ITGA7: variants seen among roughly 807,000 people sequenced by gnomAD.
ITGA7 encodes the protein integrin subunit alpha 7, also known as integrin alpha-7.
A neutral mutation model predicts 131.6 loss-of-function variants in ITGA7; 84 were observed. That is an observed-to-expected ratio of 0.64 (90% CI 0.54 to 0.77). The LOEUF (loss-of-function observed/expected upper bound fraction) is 0.77. Among genes scored for constraint, ITGA7 ranks in the 30% least tolerant of loss-of-function variants. The pLI is 0.00. For synonymous variants in ITGA7, 548 were observed against 600.7 expected (o/e 0.91, Z 1.28); for missense variants, 1,399 against 1,482.9 (o/e 0.94, Z 0.93).
rs1241570952 is a variant in ITGA7, at chr12:55,707,795, C to A, written c.-113G>T. On this transcript the variant is annotated 5_prime_UTR_variant, in exon 1 of 25. Transcript: ENST00000257879. ...TCCAAAGTCTCGTTGGTCTTTCAGA[C>A]GTCTCCCAGACGTTCGCCCCGCCAG... 1 of 1,517,552 alleles carries A rather than the reference C, an allele frequency of 6.6e-7. No individual in the cohort carries two copies. Among genetic ancestry groups the A allele is most frequent in the Admixed American group, 2.0e-5 (1 of 49,632 alleles). The allele number at this position is 1,517,552 out of a possible 1,614,324, so 94.0% of individuals were successfully genotyped here.
At chr12:55,686,834 G>C (rs376919045) in intron 24 of ITGA7, among the ~76,000 whole-genome samples, 19 of 152,200 alleles carry the variant, frequency 1.2e-4, no homozygotes, top group African/African-American at 4.6e-4. Context: ...CCTGGAGGCC[G>C]TTCTCCGTGC....
intron 10 of ITGA7, 70 bp from the exon 11 acceptor site, chr12:55,697,347 T>G (rs1278042983): frequency 3.2e-5 from 51 of 1,569,966 alleles, no homozygotes; most frequent in Non-Finnish European, 4.4e-5. Context: ...CCACCCCATC[T>G]GTCACATCCT....
At chr12:55,713,241 A>G (rs535956034), upstream of ITGA7, among the ~76,000 whole-genome samples, 1 of 152,250 alleles carries the variant, frequency 6.6e-6, no homozygotes, top group Admixed American at 6.5e-5. Context: ...CTGCTCTGTG[A>G]TGCTCTCACT....
Position 55,684,826 on chromosome 12 carries a change from C to A in ITGA7, c.*232G>T. 1 of 567,448 alleles carries A rather than the reference C, an allele frequency of 1.8e-6. No individual in the cohort carries two copies. Among genetic ancestry groups the A allele is most frequent in the Non-Finnish European group, 3.1e-6 (1 of 319,206 alleles). 35.2% of individuals were successfully genotyped at this position (567,448 alleles called of 1,614,324 possible). A position where few individuals can be genotyped will look rare whatever the true frequency, so the allele number is the denominator to read the frequency against. On this transcript the variant is annotated 3_prime_UTR_variant, in exon 25 of 25. Transcript: ENST00000257879. ...TGCATCAGGACACCCCTGCCCTTCT[C>A]ACCCTACCCCATGGCCCTGTCCCTG...
upstream of ITGA7, among the ~76,000 whole-genome samples, chr12:55,714,773 T>G (rs187487729): frequency 6.6e-6 from 1 of 150,976 alleles, no homozygotes; most frequent in Non-Finnish European, 1.5e-5. Context: ...TACACATATA[T>G]ACGTATACAT....
chr12:55,700,153 G>A, intron 4 of ITGA7, 164 bp from the exon 5 acceptor site: 3 of 1,422,294 alleles, frequency 2.1e-6, no homozygotes, highest in Non-Finnish European at 2.9e-6. Context: ...GACAGAGAGA[G>A]ACAAGGTGAG....
At chr12:55,706,826 G>A (rs1399912712) in intron 1 of ITGA7, among the ~76,000 whole-genome samples, 1 of 152,090 alleles carries the variant, frequency 6.6e-6, no homozygotes, top group Non-Finnish European at 1.5e-5. Context: ...CAGCTGCTGC[G>A]GCTACTACTA....
In ITGA7 at chr12:55,703,306, C is replaced by A. The variant is rs559558604; in HGVS notation, c.207-128G>T. ...GTGTTCAAGGACTAAAGAGAAGGGG[C>A]AAATGTCAGTTTTCTCAAACCCTGG... On this transcript the variant is annotated intron_variant, in intron 1 of 24. Coordinates refer to ENST00000257879, the MANE Select transcript of ITGA7 (RefSeq NM_002206.3). 5 of 1,047,522 alleles carry A rather than the reference C, an allele frequency of 4.8e-6. No individual in the cohort carries two copies. In the African/African-American group the frequency reaches 4.8e-5, roughly 10 times the overall value. 64.9% of individuals were successfully genotyped at this position (1,047,522 alleles called of 1,614,324 possible). A position where few individuals can be genotyped will look rare whatever the true frequency, so the allele number is the denominator to read the frequency against.
chr12:55,711,972 C>T, upstream of ITGA7: 2 of 1,030,304 alleles, frequency 1.9e-6, no homozygotes, highest in Non-Finnish European at 1.5e-6. Context: ...CCCTCCACCT[C>T]ATCTGGCAAC....
At position 55,703,043 on chromosome 12, in the gene ITGA7, G is replaced by A. The variant is rs370675255; in HGVS notation, c.334+8C>T. 2 of 1,613,882 alleles carry A rather than the reference G, an allele frequency of 1.2e-6. No homozygotes were observed. The highest frequency in any genetic ancestry group is 1.7e-6 in the Non-Finnish European group (2 of 1,180,038). On this transcript the variant is annotated splice_region_variant and intron_variant, in intron 2 of 24. Coordinates refer to ENST00000257879, the MANE Select transcript of ITGA7 (RefSeq NM_002206.3). ...CGCTTCCCCCACTCTGTTCATGCAG[G>A]GCCACACCTCCCTGGTCGATGTCCA...
chr12:55,698,150 G>T (rs934533741), intron 7 of ITGA7, 124 bp from the exon 8 acceptor site: 10 of 976,538 alleles, frequency 1.0e-5, no homozygotes, highest in Non-Finnish European at 1.6e-5. Flanking sequence ...AAAATCCCAG[G>T]CACTCTACAT....
chr12:55,698,940 C>T (rs755262233), intron 5 of ITGA7, 23 bp from the exon 6 acceptor site: 2 of 1,584,794 alleles, frequency 1.3e-6, no homozygotes, highest in Non-Finnish European at 1.7e-6. Flanking sequence ...TGACTTACCC[C>T]TAAGTCTTCA....
Position 55,697,083 on chromosome 12 carries a change from G to A in ITGA7, c.1568-15C>T. The A allele has an allele frequency of 1.2e-6, 2 of 1,612,240 alleles. No homozygotes were observed. The highest frequency in any genetic ancestry group is 1.7e-6 in the Non-Finnish European group (2 of 1,179,144). ...ATAGTCCAGGGCTGTGGCATGTTGG[G>A]AAAGGAGGAGCTGCTGAGCTGCAGA... On this transcript the variant is annotated splice_polypyrimidine_tract_variant and intron_variant, in intron 11 of 24. Coordinates refer to ENST00000257879, the MANE Select transcript of ITGA7 (RefSeq NM_002206.3).
At chr12:55,703,641 C>T (rs1045440691) in intron 1 of ITGA7, among the ~76,000 whole-genome samples, 2 of 152,130 alleles carry the variant, frequency 1.3e-5, no homozygotes, top group African/African-American at 2.4e-5. Context: ...GGGCCCCAGA[C>T]TGGCATCAGA....
chr12:55,692,390 T>C (rs900474869), intron 21 of ITGA7, among the ~76,000 whole-genome samples: 2 of 152,172 alleles, frequency 1.3e-5, no homozygotes, highest in Non-Finnish European at 2.9e-5. Flanking sequence ...ACTCTAGCCT[T>C]GGTGACAGAG....
At chr12:55,700,825 T>A in intron 4 of ITGA7, 74 bp downstream of exon 4, 1 of 1,591,140 alleles carries the variant, frequency 6.3e-7, no homozygotes, top group Non-Finnish European at 8.6e-7. Flanking sequence ...CTTGGCCATG[T>A]GCCATCCCCA....
At chr12:55,690,264 C>T (rs1406331362) in intron 21 of ITGA7, among the ~76,000 whole-genome samples, 1 of 152,136 alleles carries the variant, frequency 6.6e-6, no homozygotes, top group African/African-American at 2.4e-5. Context: ...TGAACTCAAA[C>T]AAATTTACAA....
chr12:55,699,548 T>A (rs916297879), intron 5 of ITGA7: 1 of 421,750 alleles, frequency 2.4e-6, no homozygotes, highest in African/African-American at 2.0e-5. Flanking sequence ...GTGCCCACCA[T>A]CCATCCCCTC....
Position 55,700,980 on chromosome 12 carries a change from A to G in ITGA7, c.589T>C (p.Cys197Arg), listed in dbSNP as rs759656110. The G allele has an allele frequency of 6.2e-7, 1 of 1,614,246 alleles. No homozygotes were observed. Among genetic ancestry groups the G allele is most frequent in the Non-Finnish European group, 8.5e-7 (1 of 1,180,016 alleles). Reference sequence around the variant, plus strand: ...AAGGCGGCAGCTGTGCCCTGCTGGCAGAACCCAAATTGTTCATGGCCTTGG... The same window carrying G: ...AAGGCGGCAGCTGTGCCCTGCTGGCGGAACCCAAATTGTTCATGGCCTTGG... ...RPQGHEQFGF[C>R]QQGTAAAFSP... The change falls in exon 4 of 25, where the codon TGC becomes CGC. Residue 197 changes from cysteine to arginine, a missense_variant. Cys to Arg is a radical substitution (Grantham distance 180). Transcript: ENST00000257879.
Sources: gnomAD v4.1 joint callset for allele counts (sites outside exome capture counted in the v4.1 genomes callset) on GRCh38, gnomAD v4.1.1 for gene constraint, MANE v1.5 for transcripts, NCBI Gene and HGNC (gene_info 2026-07-23, HGNC 2026-07-21) for gene names.